ASZ1: variants seen among roughly 807,000 people sequenced by gnomAD.
ASZ1 encodes the protein ankyrin repeat, SAM and basic leucine zipper domain-containing protein 1.
In ASZ1, 67 loss-of-function variants were observed where a neutral mutation model predicts 61.8. That is an observed-to-expected ratio of 1.08 (90% CI 0.89 to 1.33). The LOEUF is 1.33. ASZ1 is among the 40% of genes most tolerant of loss of function. The probability of loss-of-function intolerance (pLI) is 0.00; values close to 1 mark genes in which losing one functional copy is unlikely to be tolerated. For synonymous variants in ASZ1, 193 were observed against 192.7 expected, an observed-to-expected ratio of 1.00 and a Z score of -0.01; for missense variants, 577 against 554.5, an observed-to-expected ratio of 1.04 and a Z score of -0.41.
At chr7:117,400,974 T>C (rs1191687743) in intron 4 of ASZ1, among the ~76,000 whole-genome samples, 1 of 152,204 alleles carries the variant, frequency 6.6e-6, no homozygotes, top group African/African-American at 2.4e-5. Flanking sequence ...CAAACAGACC[T>C]GTACCAAAGT....
intron 4 of ASZ1, among the ~76,000 whole-genome samples, chr7:117,404,385 C>A (rs1242919578): frequency 6.7e-6 from 1 of 149,294 alleles, no homozygotes; most frequent in East Asian, 2.0e-4. Context: ...CATCTATTGG[C>A]AAATCACTCT....
chr7:117,386,793 C>G (rs1256923682), intron 4 of ASZ1, among the ~76,000 whole-genome samples: 1 of 152,108 alleles, frequency 6.6e-6, no homozygotes, highest in Non-Finnish European at 1.5e-5. Context: ...ACACTTCACA[C>G]CTATGTCCTT....
chr7:117,374,319 A>G (rs1188218884), intron 10 of ASZ1, among the ~76,000 whole-genome samples: 2 of 152,124 alleles, frequency 1.3e-5, no homozygotes, highest in Non-Finnish European at 2.9e-5. Flanking sequence ...CAAGTATAGG[A>G]TATAATTCAT....
At chr7:117,374,641 A>C (rs1229950482) in intron 10 of ASZ1, among the ~76,000 whole-genome samples, 2 of 152,080 alleles carry the variant, frequency 1.3e-5, no homozygotes, top group Non-Finnish European at 2.9e-5. Context: ...TTAGTAGAAA[A>C]ATAAAATGAT....
At chr7:117,423,689 C>CAAAAAAA (rs60144830) in intron 2 of ASZ1, among the ~76,000 whole-genome samples, 4 of 76,512 alleles carry the variant, frequency 5.2e-5, no homozygotes, top group East Asian at 3.5e-4. Context: ...ACTAAAAATA[C>CAAAAAAA]AAAAAAAAAA....
chr7:117,368,067 G>A (rs1662110194), intron 11 of ASZ1: 1 of 336,824 alleles, frequency 3.0e-6, no homozygotes, highest in South Asian at 1.2e-4. Context: ...TAGGACTAGA[G>A]GCACATGCCA....
intron 5 of ASZ1, among the ~76,000 whole-genome samples, chr7:117,385,071 A>G (rs1453133043): frequency 1.3e-5 from 2 of 152,174 alleles, no homozygotes; most frequent in African/African-American, 4.8e-5. Context: ...ATTTTTTAAA[A>G]CCAGTGTTTT....
At chr7:117,394,552 C>G (rs185281433) in intron 4 of ASZ1, among the ~76,000 whole-genome samples, 17 of 152,070 alleles carry the variant, frequency 1.1e-4, no homozygotes, top group African/African-American at 3.9e-4. Context: ...AATCTTTATT[C>G]AGTGATTCTT....
intron 4 of ASZ1, among the ~76,000 whole-genome samples, chr7:117,390,045 C>T (rs566716881): frequency 8.5e-5 from 13 of 152,192 alleles, no homozygotes; most frequent in African/African-American, 1.4e-4. Context: ...CAGCTGCATG[C>T]GTGCTGCTGC....
At chr7:117,425,767 T>C (rs1238000471) in intron 2 of ASZ1, among the ~76,000 whole-genome samples, 1 of 149,894 alleles carries the variant, frequency 6.7e-6, no homozygotes. Flanking sequence ...AGGTGGGTGA[T>C]TACTTGAGGT....
rs978375606 is a variant in ASZ1, at chr7:117,383,235, T to C, written c.688-125A>G. The C allele has an allele frequency of 2.7e-6, 3 of 1,112,542 alleles. No individual in the cohort carries two copies. In the African/African-American group the frequency reaches 4.9e-5, roughly 18 times the overall value. The allele number at this position is 1,112,542 out of a possible 1,614,324, so 68.9% of individuals were successfully genotyped here. A position where few individuals can be genotyped will look rare whatever the true frequency, so the allele number is the denominator to read the frequency against. On this transcript the variant is annotated intron_variant, in intron 6 of 12. Coordinates refer to ENST00000284629, the MANE Select transcript of ASZ1 (RefSeq NM_130768.3). The stretch of plus-strand genomic sequence containing the variant: ...AATTTTAGCAAGTAAGTGGGACAGA[T>C]GTTTCACAATTTACTACCCTGATAA...
chr7:117,390,434 G>A (rs1432483083), intron 4 of ASZ1, among the ~76,000 whole-genome samples: 1 of 152,102 alleles, frequency 6.6e-6, no homozygotes, highest in Non-Finnish European at 1.5e-5. Flanking sequence ...CTCCCAAAGG[G>A]CTGGGATTAT....
At chr7:117,409,847 T>C (rs1796858579) in intron 4 of ASZ1, among the ~76,000 whole-genome samples, 1 of 151,766 alleles carries the variant, frequency 6.6e-6, no homozygotes, top group Admixed American at 6.6e-5. Context: ...CTCTCTCACC[T>C]AGAAAATGCA....
In ASZ1 at chr7:117,383,258, TAAC is replaced by T. The variant is rs150659445; in HGVS notation, c.688-151_688-149del. On this transcript the variant is annotated intron_variant, in intron 6 of 12. Transcript: ENST00000284629. ...GATGTTTCACAATTTACTACCCTGA[TAAC>T]AACTTTTAAAAAAATGATATATCAC... The T allele has an allele frequency of 5.2e-3, 4,868 of 941,298 alleles. 177 individuals carry two copies. In the African/African-American group the frequency reaches 0.078, roughly 15 times the overall value. The allele number at this position is 941,298 out of a possible 1,614,324, so 58.3% of individuals were successfully genotyped here.
chr7:117,375,466 ATAGT>A (rs1423811801), intron 10 of ASZ1, among the ~76,000 whole-genome samples: 1 of 152,106 alleles, frequency 6.6e-6, no homozygotes, highest in Non-Finnish European at 1.5e-5. Context: ...CTATAGAAAT[ATAGT>A]TAATCTTAGA....
At chr7:117,420,341 A>G (rs1444109783) in intron 3 of ASZ1, 67 bp from the exon 4 acceptor site, 1 of 1,113,884 alleles carries the variant, frequency 9.0e-7, no homozygotes, top group Non-Finnish European at 1.3e-6. Flanking sequence ...TGTCTTTACC[A>G]CTCAAAACAT....
At chr7:117,395,178 T>C (rs1346095688) in intron 4 of ASZ1, among the ~76,000 whole-genome samples, 2 of 152,212 alleles carry the variant, frequency 1.3e-5, no homozygotes, top group African/African-American at 4.8e-5. Flanking sequence ...TTTCTTTCTT[T>C]GGCGAGCGAC....
At chr7:117,421,783 CTT>C (rs1418366114) in intron 3 of ASZ1, among the ~76,000 whole-genome samples, 1 of 152,106 alleles carries the variant, frequency 6.6e-6, no homozygotes, top group Non-Finnish European at 1.5e-5. Flanking sequence ...CTCATATACT[CTT>C]GTTCTTCTTA....
intron 4 of ASZ1, among the ~76,000 whole-genome samples, chr7:117,414,855 G>A (rs557048141): frequency 6.6e-6 from 1 of 152,202 alleles, no homozygotes; most frequent in Non-Finnish European, 1.5e-5. Context: ...GTGTATATGT[G>A]CCACATTTTC....
Sources: gnomAD v4.1 joint callset for allele counts (sites outside exome capture counted in the v4.1 genomes callset) on GRCh38, gnomAD v4.1.1 for gene constraint, MANE v1.5 for transcripts, NCBI Gene and HGNC (gene_info 2026-07-23, HGNC 2026-07-21) for gene names.